Variants in HNF4G observed in about 807,000 individuals in gnomAD.
HNF4G encodes the protein hepatocyte nuclear factor 4 gamma.
A neutral mutation model predicts 50.9 loss-of-function variants in HNF4G; 21 were observed. The observed-to-expected ratio is 0.41, with a 90% CI of 0.29 to 0.59. The LOEUF (loss-of-function observed/expected upper bound fraction) is 0.59. HNF4G is among the 20% of genes least tolerant of loss of function. The pLI, the probability that HNF4G is intolerant of heterozygous loss-of-function variation, is 0.26. For synonymous variants in HNF4G, 198 were observed against 185.6 expected, an observed-to-expected ratio of 1.07 and a Z score of -0.54; for missense variants, 527 against 559.4, an observed-to-expected ratio of 0.94 and a Z score of 0.58.
chr8:75,550,595 T>C (rs1040119719), intron 3 of HNF4G, among the ~76,000 whole-genome samples: 1 of 152,096 alleles, frequency 6.6e-6, no homozygotes, highest in Non-Finnish European at 1.5e-5. Context: ...CTTGGCCTGA[T>C]TTTATTCTCT....
At chr8:75,548,932 C>G (rs779031206) in intron 3 of HNF4G, among the ~76,000 whole-genome samples, 2 of 152,130 alleles carry the variant, frequency 1.3e-5, no homozygotes, top group Non-Finnish European at 2.9e-5. Flanking sequence ...GAAGCACTTT[C>G]TCATTTAAAA....
chr8:75,556,529 T>C (rs1333716323), intron 6 of HNF4G, among the ~76,000 whole-genome samples: 4 of 152,084 alleles, frequency 2.6e-5, no homozygotes, highest in Non-Finnish European at 5.9e-5. Flanking sequence ...AAAGTATTGG[T>C]GGTAATGACT....
chr8:75,508,818 A>G (rs1220147519), intron 2 of HNF4G, among the ~76,000 whole-genome samples: 1 of 152,200 alleles, frequency 6.6e-6, no homozygotes, highest in Non-Finnish European at 1.5e-5. Context: ...GCTGAAGACG[A>G]AGGCCAGAAC....
At chr8:75,507,410 G>A (rs567674298) in intron 2 of HNF4G, among the ~76,000 whole-genome samples, 144 of 151,896 alleles carry the variant, frequency 9.5e-4, no homozygotes, top group Middle Eastern at 3.4e-3. Context: ...ACAGGTGCCC[G>A]CCACCATGCC....
chr8:75,527,100 G>A (rs553646577), intron 2 of HNF4G: 24 of 152,212 alleles, frequency 1.6e-4, no homozygotes, highest in African/African-American at 5.5e-4. Context: ...TTCACAACAT[G>A]TTTAGTGCCC....
At chr8:75,431,191 T>C (rs1178339957) in intron 1 of HNF4G, among the ~76,000 whole-genome samples, 1 of 151,926 alleles carries the variant, frequency 6.6e-6, no homozygotes, top group Non-Finnish European at 1.5e-5. Context: ...AGCTGGAAAA[T>C]ACAAGAGACT....
intron 1 of HNF4G, among the ~76,000 whole-genome samples, chr8:75,473,666 A>C (rs891485543): frequency 6.6e-6 from 1 of 152,200 alleles, no homozygotes; most frequent in African/African-American, 2.4e-5. Flanking sequence ...ATCCACAATA[A>C]GATTTAACAA....
At chr8:75,540,873 G>GTGTGTGTC (rs1806600993) in intron 1 of HNF4G, among the ~76,000 whole-genome samples, 1 of 151,718 alleles carries the variant, frequency 6.6e-6, no homozygotes, top group Admixed American at 6.6e-5. Flanking sequence ...GTGTGTGTGT[G>GTGTGTGTC]TGTGTGTGTT....
chr8:75,486,371 T>C (rs1200043117), intron 1 of HNF4G, among the ~76,000 whole-genome samples: 1 of 152,222 alleles, frequency 6.6e-6, no homozygotes, highest in African/African-American at 2.4e-5. Flanking sequence ...TACCTTTTGT[T>C]ATATTTTAAT....
chr8:75,541,956 A>T (rs987659757), intron 1 of HNF4G, among the ~76,000 whole-genome samples: 1 of 152,118 alleles, frequency 6.6e-6, no homozygotes, highest in African/African-American at 2.4e-5. Context: ...TGAGCAGACC[A>T]ATGCAGAATA....
intron 1 of HNF4G, among the ~76,000 whole-genome samples, chr8:75,477,304 C>T (rs1251738858): frequency 6.6e-6 from 1 of 152,136 alleles, no homozygotes; most frequent in East Asian, 1.9e-4. Context: ...TAACTGTGTA[C>T]TTTCAGTGCT....
chr8:75,510,285 T>C (rs1315110672), intron 2 of HNF4G, among the ~76,000 whole-genome samples: 1 of 152,218 alleles, frequency 6.6e-6, no homozygotes, highest in Admixed American at 6.5e-5. Flanking sequence ...TAAGCTGTTA[T>C]AAGAGTCAAA....
chr8:75,558,447 T>C, intron 6 of HNF4G, 71 bp from the exon 7 acceptor site: 3 of 1,426,520 alleles, frequency 2.1e-6, no homozygotes, highest in Non-Finnish European at 2.9e-6. Flanking sequence ...TGTTAAATTT[T>C]AAACAGTGCT....
chr8:75,513,306 G>C (rs1211234598), intron 2 of HNF4G, among the ~76,000 whole-genome samples: 1 of 152,076 alleles, frequency 6.6e-6, no homozygotes, highest in Non-Finnish European at 1.5e-5. Flanking sequence ...CCAAAGTGCT[G>C]GGATTACAAG....
intron 1 of HNF4G, among the ~76,000 whole-genome samples, chr8:75,451,453 T>C (rs1811582567): frequency 6.6e-6 from 1 of 152,194 alleles, no homozygotes; most frequent in Admixed American, 6.5e-5. Context: ...TATGTTTTCT[T>C]CTGGTAGTTT....
intron 1 of HNF4G, among the ~76,000 whole-genome samples, chr8:75,449,319 A>T (rs189654622): frequency 1.3e-5 from 2 of 152,256 alleles, no homozygotes; most frequent in African/African-American, 4.8e-5. Flanking sequence ...GAATTAAAGC[A>T]GCTATAAACA....
chr8:75,442,403 A>G (rs1298558872), intron 1 of HNF4G, among the ~76,000 whole-genome samples: 4 of 152,098 alleles, frequency 2.6e-5, no homozygotes, highest in Non-Finnish European at 5.9e-5. Context: ...AATATTTTTG[A>G]AATACATTTA....
At chr8:75,528,642 A>G (rs1806244083) in intron 2 of HNF4G, among the ~76,000 whole-genome samples, 1 of 152,214 alleles carries the variant, frequency 6.6e-6, no homozygotes, top group South Asian at 2.1e-4. Flanking sequence ...TTCAATGCAG[A>G]TGTCATAGAA....
chr8:75,480,745 A>C (rs919087314), intron 1 of HNF4G, among the ~76,000 whole-genome samples: 3 of 146,694 alleles, frequency 2.0e-5, no homozygotes, highest in Non-Finnish European at 4.5e-5. Flanking sequence ...TTGAGACAGA[A>C]TCTCACCCAG....
Sources: gnomAD v4.1 joint callset for allele counts (sites outside exome capture counted in the v4.1 genomes callset) on GRCh38, gnomAD v4.1.1 for gene constraint, MANE v1.5 for transcripts, NCBI Gene and HGNC (gene_info 2026-07-23, HGNC 2026-07-21) for gene names.